Variants in GABRB3 observed in about 807,000 individuals in gnomAD.
GABRB3 encodes gamma-aminobutyric acid receptor subunit beta-3.
Under a neutral mutation model 52.1 loss-of-function variants are expected in GABRB3, and 14 were observed. That is an observed-to-expected ratio of 0.27 (90% CI 0.18 to 0.42). The LOEUF is 0.42. Among genes scored for constraint, GABRB3 ranks in the 10% least tolerant of loss-of-function variants. The pLI is 1.00. For missense variants in GABRB3, 307 were observed against 609.1 expected, an observed-to-expected ratio of 0.50 and a Z score of 5.22; for synonymous variants, 260 against 232.3, an observed-to-expected ratio of 1.12 and a Z score of -1.08.
chr15:26,700,502 C>T (rs926280520), intron 3 of GABRB3, among the ~76,000 whole-genome samples: 1 of 152,190 alleles, frequency 6.6e-6, no homozygotes, highest in Non-Finnish European at 1.5e-5. Flanking sequence ...CCCTGAATCA[C>T]AAGTAAATTT....
intron 3 of GABRB3, among the ~76,000 whole-genome samples, chr15:26,723,812 C>G (rs537586175): frequency 8.0e-4 from 122 of 152,276 alleles, no homozygotes; most frequent in African/African-American, 2.8e-3. Context: ...AAACCAAGGC[C>G]ACGATTCCTA....
At chr15:26,624,399 G>A (rs938798212) in intron 3 of GABRB3, 5 of 985,450 alleles carry the variant, frequency 5.1e-6, no homozygotes, top group Non-Finnish European at 6.0e-6. Flanking sequence ...CGCCTGAGTC[G>A]CGATGTCTAG....
intron 8 of GABRB3, among the ~76,000 whole-genome samples, chr15:26,556,064 C>G (rs902310379): frequency 1.1e-4 from 17 of 152,182 alleles, no homozygotes; most frequent in South Asian, 6.2e-4. Flanking sequence ...AAATACAAGG[C>G]TGAAATGCCC....
intron 3 of GABRB3, among the ~76,000 whole-genome samples, chr15:26,716,072 C>T (rs756098517): frequency 3.9e-5 from 6 of 152,194 alleles, no homozygotes; most frequent in Non-Finnish European, 7.3e-5. Flanking sequence ...GTGCATCCAA[C>T]TCAAGCTATA....
intron 4 of GABRB3, among the ~76,000 whole-genome samples, chr15:26,605,211 G>A (rs1362015565): frequency 1.3e-5 from 2 of 152,104 alleles, no homozygotes; most frequent in Non-Finnish European, 2.9e-5. Flanking sequence ...ACTACAATGA[G>A]ATACCATCTC....
At chr15:26,668,444 G>A (rs189260007) in intron 3 of GABRB3, among the ~76,000 whole-genome samples, 34 of 152,254 alleles carry the variant, frequency 2.2e-4, no homozygotes, top group South Asian at 4.1e-4. Context: ...GCCTAGGGCC[G>A]AACTGACTCA....
chr15:26,764,887 T>C (rs1890953402), intron 3 of GABRB3, among the ~76,000 whole-genome samples: 2 of 152,008 alleles, frequency 1.3e-5, no homozygotes, highest in Admixed American at 6.5e-5. Context: ...TCCCAGCACT[T>C]TGGGAGGCCG....
At chr15:26,611,255 T>C (rs1892060374) in intron 4 of GABRB3, among the ~76,000 whole-genome samples, 1 of 152,190 alleles carries the variant, frequency 6.6e-6, no homozygotes, top group Non-Finnish European at 1.5e-5. Context: ...GAACTTTTTG[T>C]GTAATTTAAA....
intron 3 of GABRB3, among the ~76,000 whole-genome samples, chr15:26,723,904 T>G (rs1889705984): frequency 6.6e-6 from 1 of 152,112 alleles, no homozygotes. Context: ...GACTTCCTTT[T>G]CTGTGAGAAA....
At chr15:26,609,103 T>TACACACAC (rs79471574) in intron 4 of GABRB3, among the ~76,000 whole-genome samples, 12 of 143,374 alleles carry the variant, frequency 8.4e-5, no homozygotes, top group African/African-American at 3.4e-4. Context: ...CACACACACA[T>TACACACAC]ACACACACAC....
rs544248109 is a variant in GABRB3 at position 26,601,074 on chromosome 15, G to GT, written c.462-17661dup. Among the ~76,000 whole-genome samples, 737 of 152,186 alleles carry GT rather than the reference G, an allele frequency of 4.8e-3. 7 individuals carry two copies. Among genetic ancestry groups the GT allele is most frequent in the African/African-American group, 0.017 (712 of 41,514 alleles). ...ATGCTGTAAGTATAAGATGTTCTAC[G>GT]TAAGGCTCATGGTAAGCACAAAGCA... is the stretch of plus-strand genomic sequence containing the variant. On this transcript the variant is annotated intron_variant, in intron 4 of 8. Transcript: ENST00000311550.
chr15:26,565,085 T>A (rs1055520362), intron 7 of GABRB3, among the ~76,000 whole-genome samples: 1 of 152,226 alleles, frequency 6.6e-6, no homozygotes, highest in Non-Finnish European at 1.5e-5. Context: ...CCAGAACAGA[T>A]AAACTACATG....
intron 3 of GABRB3, among the ~76,000 whole-genome samples, chr15:26,684,542 C>T (rs913370924): frequency 1.6e-4 from 25 of 152,132 alleles, no homozygotes; most frequent in Admixed American, 6.5e-4. Context: ...TGGCTTTCGG[C>T]GTGCCTTTCT....
chr15:26,654,855 A>G (rs1363012841), intron 3 of GABRB3, among the ~76,000 whole-genome samples: 1 of 151,982 alleles, frequency 6.6e-6, no homozygotes, highest in Non-Finnish European at 1.5e-5. Context: ...TTTTGGAGAC[A>G]GGGTCTCACT....
chr15:26,646,621 C>T (rs1386868440), intron 3 of GABRB3, among the ~76,000 whole-genome samples: 3 of 152,068 alleles, frequency 2.0e-5, no homozygotes, highest in African/African-American at 4.8e-5. Context: ...CATAAGAAAC[C>T]GCCAAAATGT....
intron 3 of GABRB3, among the ~76,000 whole-genome samples, chr15:26,687,348 C>A (rs1888437905): frequency 6.6e-6 from 1 of 152,198 alleles, no homozygotes; most frequent in Non-Finnish European, 1.5e-5. Context: ...TTTATTAAAT[C>A]ATATGTTCAC....
chr15:26,756,023 C>A (rs1890649675), intron 3 of GABRB3, among the ~76,000 whole-genome samples: 1 of 151,968 alleles, frequency 6.6e-6, no homozygotes, highest in Non-Finnish European at 1.5e-5. Flanking sequence ...TATAAAGTTA[C>A]ATGTAAAAGT....
chr15:26,748,869 T>C (rs1205039254), intron 3 of GABRB3, among the ~76,000 whole-genome samples: 1 of 151,916 alleles, frequency 6.6e-6, no homozygotes, highest in Non-Finnish European at 1.5e-5. Context: ...CTGCTAAAAA[T>C]ACAAAATTTA....
chr15:26,736,408 A>G (rs1459631467), intron 3 of GABRB3, among the ~76,000 whole-genome samples: 1 of 152,264 alleles, frequency 6.6e-6, no homozygotes, highest in African/African-American at 2.4e-5. Flanking sequence ...CTTCATTTTA[A>G]CCTGAGGTAA....
Sources: gnomAD v4.1 joint callset for allele counts (sites outside exome capture counted in the v4.1 genomes callset) on GRCh38, gnomAD v4.1.1 for gene constraint, MANE v1.5 for transcripts, NCBI Gene and HGNC (gene_info 2026-07-23, HGNC 2026-07-21) for gene names.